DNAAF8: variants seen among roughly 807,000 people sequenced by gnomAD.
DNAAF8 encodes the protein dynein axonemal-associated protein 1.
In DNAAF8, 61 loss-of-function variants were observed where a neutral mutation model predicts 54.6. The observed-to-expected ratio is 1.12, with a 90% CI of 0.91 to 1.38. The LOEUF is 1.38. Among genes scored for constraint, DNAAF8 ranks in the 40% most tolerant of loss-of-function variants. The probability of loss-of-function intolerance (pLI) is 0.00; values close to 1 mark genes in which losing one functional copy is unlikely to be tolerated. For missense variants in DNAAF8, 837 were observed against 665.0 expected, an observed-to-expected ratio of 1.26 and a Z score of -2.85; for synonymous variants, 320 against 270.1, an observed-to-expected ratio of 1.18 and a Z score of -1.81.
chr16:4,746,995 AG>A lies in DNAAF8; in HGVS notation c.1255del (p.Ala419HisfsTer61). The A allele has an allele frequency of 6.5e-7, 1 of 1,541,708 alleles. No individual in the cohort carries two copies. Among genetic ancestry groups the A allele is most frequent in the Non-Finnish European group, 8.7e-7 (1 of 1,148,278 alleles). The part of the protein sequence containing the change: ...EEEMAALGDA[E>X]GASPSSLGLR... The stretch of plus-strand genomic sequence containing the variant: ...GAGATGGCAGCTCTGGGAGACGCAG[AG>A]GGGGCATCTCCTTCCTCCCTGGGGC... On this transcript the variant is annotated frameshift_variant, in exon 8 of 10. Transcript: ENST00000299320. LOFTEE classifies it high-confidence loss of function.
intron 5 of DNAAF8, among the ~76,000 whole-genome samples, 177 bp from the exon 6 acceptor site, chr16:4,744,693 G>C (rs765707004): frequency 5.9e-5 from 9 of 152,176 alleles, no homozygotes; most frequent in Admixed American, 1.3e-4. Flanking sequence ...CCTCAGCCCT[G>C]CTGAGCTAGA....
In DNAAF8 at chr16:4,747,562, G is replaced by T; in HGVS notation, c.1500G>T (p.Leu500=). The stretch of plus-strand genomic sequence containing the variant: ...TCCCAAGAGGCAGGCCCAGAGCCCT[G>T]GGGGATGTTCCTGAGCCAGGGGCAG... ...ARLPRGRPRA[L]GDVPEPGAAR... Residue 500 remains leucine, a synonymous_variant, in exon 9 of 10, where the codon CTG becomes CTT. Coordinates refer to ENST00000299320, the MANE Select transcript of DNAAF8 (RefSeq NM_139170.3). 1 of 1,611,960 alleles carries T rather than the reference G, an allele frequency of 6.2e-7. No individual in the cohort carries two copies.
chr16:4,745,701 G>A (rs751255190), intron 6 of DNAAF8, among the ~76,000 whole-genome samples: 7 of 152,098 alleles, frequency 4.6e-5, no homozygotes, highest in Admixed American at 3.3e-4. Context: ...CTATAATCCC[G>A]GCACTTTGGA....
Position 4,740,313 on chromosome 16 carries a change from G to A in DNAAF8, c.437G>A (p.Trp146Ter), listed in dbSNP as rs985699354. ...GGGATGGCCGAGGAGCCCCCCAGGT[G>A]GCTGGAAGGCGACCTTGGAAGCCTG... ...LLGMAEEPPR[W>*]LEGDLGSLSF... is the part of the protein sequence containing the mutation. The change falls in exon 4 of 10, where the codon TGG becomes TAG. Residue 146 changes from tryptophan to a stop codon, truncating the protein, a stop_gained. Transcript: ENST00000299320. LOFTEE classifies it high-confidence loss of function. The A allele has an allele frequency of 5.6e-6, 9 of 1,613,856 alleles. No individual in the cohort carries two copies. The highest frequency in any genetic ancestry group is 1.7e-5 in the Admixed American group (1 of 59,988).
At chr16:4,740,732 G>C (rs1452511381) in intron 4 of DNAAF8, 73 bp downstream of exon 4, 3 of 1,462,822 alleles carry the variant, frequency 2.1e-6, no homozygotes, top group Admixed American at 4.3e-5. Context: ...CCATGCACTG[G>C]AGCTAGAAGC....
intron 3 of DNAAF8, 130 bp downstream of exon 3, chr16:4,738,076 A>T (rs2081918395): frequency 8.4e-7 from 1 of 1,188,912 alleles, no homozygotes; most frequent in Non-Finnish European, 1.1e-6. Flanking sequence ...CCCCATGTAC[A>T]ACCCAAGGTA....
At chr16:4,743,650 C>G (rs2081978077) in intron 5 of DNAAF8, 1 of 152,592 alleles carries the variant, frequency 6.6e-6, no homozygotes, top group Non-Finnish European at 1.5e-5. Context: ...TCTCCAACCC[C>G]TCCCTATCCA....
chr16:4,747,028 A>T lies in DNAAF8; in HGVS notation c.1280+3A>T. 1 of 1,526,186 alleles carries T rather than the reference A, an allele frequency of 6.6e-7. No individual in the cohort carries two copies. 94.5% of individuals were successfully genotyped at this position (1,526,186 alleles called of 1,614,324 possible). On this transcript the variant is annotated splice_donor_region_variant and intron_variant, in intron 8 of 9. Coordinates refer to ENST00000299320, the MANE Select transcript of DNAAF8 (RefSeq NM_139170.3). ...TCTCCTTCCTCCCTGGGGCTACGGT[A>T]ACCACCCAGGGGCCTCTCGCCACCT...
intron 2 of DNAAF8, 144 bp downstream of exon 2, chr16:4,736,787 GC>G: frequency 1.0e-6 from 1 of 954,400 alleles, no homozygotes. Context: ...AAATCGCATG[GC>G]CAGACTCAAA....
chr16:4,743,461 T>A (rs2081976747), intron 5 of DNAAF8: 1 of 235,088 alleles, frequency 4.3e-6, no homozygotes, highest in African/African-American at 2.3e-5. Flanking sequence ...CCAGCCTGCC[T>A]TCCTTCTCCC....
At chr16:4,744,766 G>A (rs1567504067) in intron 5 of DNAAF8, 104 bp from the exon 6 acceptor site, 1 of 1,391,448 alleles carries the variant, frequency 7.2e-7, no homozygotes, top group Non-Finnish European at 9.8e-7. Flanking sequence ...GGAGCCTGAG[G>A]TCCATTCACA....
Position 4,748,738 on chromosome 16 carries a change from G to C in DNAAF8, c.*23G>C, listed in dbSNP as rs894339959. ...CCTTGTCTCCAGGATGTGTCCTGCT[G>C]TCTGCCCCGTGGGAAGAGCAGAGAA... is the stretch of plus-strand genomic sequence containing the variant. On this transcript the variant is annotated 3_prime_UTR_variant, in exon 10 of 10. Transcript: ENST00000299320. The C allele has an allele frequency of 8.5e-5, 13 of 152,574 alleles. No individual in the cohort carries two copies. The highest frequency in any genetic ancestry group is 2.9e-4 in the African/African-American group (12 of 41,586). The allele number at this position is 152,574 out of a possible 1,614,324, so 9.5% of individuals were successfully genotyped here. A position where few individuals can be genotyped will look rare whatever the true frequency, so the allele number is the denominator to read the frequency against.
At chr16:4,741,420 T>C (rs546710320) in intron 4 of DNAAF8, among the ~76,000 whole-genome samples, 1 of 152,140 alleles carries the variant, frequency 6.6e-6, no homozygotes, top group Non-Finnish European at 1.5e-5. Context: ...TCTCATAAAC[T>C]AGTGAGCACC....
chr16:4,747,957 G>T (rs1397237421), intron 9 of DNAAF8, among the ~76,000 whole-genome samples: 1 of 152,178 alleles, frequency 6.6e-6, no homozygotes, highest in East Asian at 1.9e-4. Context: ...TCTTTCTCCA[G>T]TTCTGCATTT....
chr16:4,748,912 T>A lies in DNAAF8; in HGVS notation c.*197T>A, dbSNP rs2082051689. 6.6e-6 allele frequency: 1 copy of A among 152,258 alleles called. No homozygotes were observed. Among genetic ancestry groups the A allele is most frequent in the African/African-American group, 2.4e-5 (1 of 41,452 alleles). The allele number at this position is 152,258 out of a possible 1,614,324, so 9.4% of individuals were successfully genotyped here. A position where few individuals can be genotyped will look rare whatever the true frequency, so the allele number is the denominator to read the frequency against. On this transcript the variant is annotated 3_prime_UTR_variant, in exon 10 of 10. Transcript: ENST00000299320. ...GGCAGGGGTCTCTTCTCATCAAGCC[T>A]TGTACCAGGCAAAAGACAGGCCCTG... is the stretch of plus-strand genomic sequence containing the variant.
At chr16:4,736,236 T>A (rs2081897851) in intron 1 of DNAAF8, among the ~76,000 whole-genome samples, 1 of 152,264 alleles carries the variant, frequency 6.6e-6, no homozygotes, top group East Asian at 1.9e-4. Flanking sequence ...TATATCACTA[T>A]ATACATTATA....
rs1026912023 is a variant in DNAAF8 at position 4,740,027 on chromosome 16, G to A, written c.277-126G>A. On this transcript the variant is annotated intron_variant, in intron 3 of 9. Coordinates refer to ENST00000299320, the MANE Select transcript of DNAAF8 (RefSeq NM_139170.3). ...TGAGCTATGATCGCACCACTGCACT[G>A]CAGCCTGGGCAACAAAGCGAGACTT... The A allele has an allele frequency of 6.3e-5, 77 of 1,219,214 alleles. No individual in the cohort carries two copies. In the East Asian group the frequency reaches 9.6e-4, roughly 15 times the overall value. The allele number at this position is 1,219,214 out of a possible 1,614,324, so 75.5% of individuals were successfully genotyped here. A position where few individuals can be genotyped will look rare whatever the true frequency, so the allele number is the denominator to read the frequency against.
In DNAAF8 at chr16:4,744,905, G is replaced by T. The variant is rs765863181; in HGVS notation, c.937G>T (p.Glu313Ter). The T allele has an allele frequency of 6.2e-7, 1 of 1,613,862 alleles. No homozygotes were observed. The highest frequency in any genetic ancestry group is 1.1e-5 in the South Asian group (1 of 91,086). ...MVPSAHNRLM[E>*]QLALLCTTQS... ...GCCGAGCGCCCACAACAGGCTCATG[G>T]AACAGCTGGCCCTCCTGTGCACCAC... The change falls in exon 6 of 10, where the codon GAA (glutamate) becomes TAA (stop). Residue 313 changes from glutamate to a stop codon, truncating the protein, a stop_gained. Coordinates refer to ENST00000299320, the MANE Select transcript of DNAAF8 (RefSeq NM_139170.3). LOFTEE classifies it high-confidence loss of function.
chr16:4,739,523 C>T (rs859308), intron 3 of DNAAF8, among the ~76,000 whole-genome samples: 84,816 of 148,394 alleles, frequency 0.57, 24,616 homozygotes, highest in East Asian at 0.68. Context: ...CTTTAGCCAG[C>T]CCATATTCAA....
Sources: allele counts gnomAD v4.1 joint callset (sites outside exome capture counted in the v4.1 genomes callset), GRCh38; gene constraint gnomAD v4.1.1; transcripts MANE v1.5; gene names NCBI Gene and HGNC (gene_info 2026-07-23, HGNC 2026-07-21).